The following CLOCK variants were observed in gnomAD, a reference collection of about 807,000 sequenced individuals.
The protein encoded by CLOCK is circadian locomoter output cycles protein kaput.
Under a neutral mutation model 118.4 loss-of-function variants are expected in CLOCK, and 43 were observed. The ratio of observed to expected loss-of-function variants is 0.36; its 90% CI spans 0.28 to 0.47. The LOEUF (loss-of-function observed/expected upper bound fraction) is 0.47. Among genes scored for constraint, CLOCK ranks in the 20% least tolerant of loss-of-function variants. The pLI is 1.00. For missense variants in CLOCK, 846 were observed against 999.9 expected (o/e 0.85, Z 2.08); for synonymous variants, 326 against 339.2 (o/e 0.96, Z 0.43).
At chr4:55,472,692 A>G (rs973795683) in intron 7 of CLOCK, among the ~76,000 whole-genome samples, 1 of 151,734 alleles carries the variant, frequency 6.6e-6, no homozygotes, top group Non-Finnish European at 1.5e-5. Flanking sequence ...TCCTAACTCT[A>G]TGTAATTGAC....
chr4:55,465,204 A>G (rs1577729348), intron 8 of CLOCK, among the ~76,000 whole-genome samples: 1 of 152,324 alleles, frequency 6.6e-6, no homozygotes, highest in East Asian at 1.9e-4. Context: ...ACACTATAGT[A>G]TAACACATAT....
At chr4:55,532,389 CAT>C (rs1730607886) in intron 1 of CLOCK, among the ~76,000 whole-genome samples, 1 of 152,014 alleles carries the variant, frequency 6.6e-6, no homozygotes. Context: ...ATACAGATGA[CAT>C]GATTTATATG....
intron 2 of CLOCK, among the ~76,000 whole-genome samples, chr4:55,495,339 G>A (rs1727994471): frequency 6.6e-6 from 1 of 151,598 alleles, no homozygotes; most frequent in South Asian, 2.1e-4. Flanking sequence ...GCTCCCAGCT[G>A]TAACCTCTCT....
At chr4:55,465,763 C>A (rs1725689759) in intron 8 of CLOCK, among the ~76,000 whole-genome samples, 1 of 151,986 alleles carries the variant, frequency 6.6e-6, no homozygotes, top group Admixed American at 6.6e-5. Flanking sequence ...ACCAGCCTGG[C>A]TAACATGGAG....
chr4:55,472,053 AGAGT>A (rs1726180731), intron 7 of CLOCK, among the ~76,000 whole-genome samples: 1 of 152,200 alleles, frequency 6.6e-6, no homozygotes, highest in Admixed American at 6.5e-5. Flanking sequence ...CCTGAGCAAC[AGAGT>A]GAGACCCTGT....
intron 6 of CLOCK, 44 bp downstream of exon 6, chr4:55,478,769 CTA>C: frequency 6.3e-7 from 1 of 1,581,676 alleles, no homozygotes; most frequent in African/African-American, 1.3e-5. Context: ...AAGATTCTAA[CTA>C]ATGCTTTGAG....
At position 55,429,824 on chromosome 4, in the gene CLOCK, A is replaced by C. The variant is rs1722388915; in HGVS notation, c.*5591T>G. 1 of 152,206 alleles carries C rather than the reference A, an allele frequency of 6.6e-6. No individual in the cohort carries two copies. Among genetic ancestry groups the C allele is most frequent in the Non-Finnish European group, 1.5e-5 (1 of 68,038 alleles). 9.4% of individuals were successfully genotyped at this position (152,206 alleles called of 1,614,324 possible). On this transcript the variant is annotated 3_prime_UTR_variant, in exon 23 of 23. Coordinates refer to ENST00000513440, the MANE Select transcript of CLOCK (RefSeq NM_004898.4). ...ATCAGATTTGAAAGGAGTTATTTCT[A>C]AAATTCTTTCTTAGATGACTTGAGG...
chr4:55,481,238 A>T (rs1209697149), intron 4 of CLOCK, among the ~76,000 whole-genome samples: 3 of 152,084 alleles, frequency 2.0e-5, no homozygotes, highest in African/African-American at 7.2e-5. Context: ...GTGGAGGTGC[A>T]TGTATGAACT....
In CLOCK at chr4:55,524,885, T is replaced by G. The variant is rs369023808; in HGVS notation, c.-289-14820A>C. On this transcript the variant is annotated intron_variant, in intron 1 of 22. Transcript: ENST00000513440. ...GCCTACAATGATGATATCTCCAGAC[T>G]TATAACTTCCAGAAAGATGATGTAA... Among the ~76,000 whole-genome samples, 83 of 152,232 alleles carry G rather than the reference T, an allele frequency of 5.5e-4. 2 individuals are homozygous for G. In the East Asian group the frequency reaches 0.012, roughly 21 times the overall value.
At chr4:55,521,111 T>C (rs2110061446) in intron 1 of CLOCK, among the ~76,000 whole-genome samples, 1 of 152,340 alleles carries the variant, frequency 6.6e-6, no homozygotes, top group Non-Finnish European at 1.5e-5. Context: ...ATTTTAACGT[T>C]GGTAAAATGG....
At chr4:55,486,845 A>G in intron 3 of CLOCK, among the ~76,000 whole-genome samples, 1 of 152,074 alleles carries the variant, frequency 6.6e-6, no homozygotes, top group East Asian at 1.9e-4. Flanking sequence ...TTATATCTGT[A>G]CTGGTCACTC....
chr4:55,452,894 A>C (rs1724591248), intron 15 of CLOCK, 160 bp downstream of exon 15: 1 of 559,210 alleles, frequency 1.8e-6, no homozygotes. Flanking sequence ...GTGAGACTCT[A>C]AAATATTAAA....
Position 55,475,980 on chromosome 4 carries a change from T to G in CLOCK, c.331A>C (p.Thr111Pro), listed in dbSNP as rs964947558. ...KPTFLSNEEF[T>P]QLMLEALDGF... ...GGACATACCTCTAACATTAATTGTGTAAACTCTTCATTACTAAGGAATGTA... is the reference window on the plus strand; with the variant it reads ...GGACATACCTCTAACATTAATTGTGGAAACTCTTCATTACTAAGGAATGTA... The change falls in exon 7 of 23, where the codon ACA becomes CCA. Residue 111 changes from threonine (T) to proline (P), a missense_variant. Transcript: ENST00000513440. The G allele has an allele frequency of 1.2e-6, 2 of 1,610,904 alleles. No individual in the cohort carries two copies. The highest frequency in any genetic ancestry group is 2.7e-5 in the African/African-American group (2 of 74,854).
chr4:55,536,293 T>A (rs1397785609), intron 1 of CLOCK, among the ~76,000 whole-genome samples: 2 of 152,090 alleles, frequency 1.3e-5, no homozygotes, highest in Non-Finnish European at 2.9e-5. Context: ...CAACCCAGCC[T>A]CCACATAATT....
At chr4:55,526,860 T>A (rs1577857692) in intron 1 of CLOCK, among the ~76,000 whole-genome samples, 1 of 145,384 alleles carries the variant, frequency 6.9e-6, no homozygotes, top group African/African-American at 2.6e-5. Flanking sequence ...GGCAAGAGAA[T>A]GGCATGAACC....
rs73153615 is a variant in CLOCK, at chr4:55,482,945, G to A, written c.-43-117C>T. 2,580 of 487,810 alleles carry A rather than the reference G, an allele frequency of 5.3e-3. 55 individuals are homozygous for A. Among genetic ancestry groups the A allele is most frequent in the African/African-American group, 0.047 (2,365 of 50,346 alleles). 30.2% of individuals were successfully genotyped at this position (487,810 alleles called of 1,614,324 possible). A position where few individuals can be genotyped will look rare whatever the true frequency, so the allele number is the denominator to read the frequency against. ...GACTTCAAAACGTTTTGTTTGTACT[G>A]AAGATCAGAACATTATTTTCAAGCA... On this transcript the variant is annotated intron_variant, in intron 3 of 22. Coordinates refer to ENST00000513440, the MANE Select transcript of CLOCK (RefSeq NM_004898.4).
intron 2 of CLOCK, among the ~76,000 whole-genome samples, chr4:55,501,438 G>GTACTATAATCATT (rs1297957690): frequency 6.6e-6 from 1 of 151,200 alleles, no homozygotes; most frequent in Non-Finnish European, 1.5e-5. Context: ...TTTTTTAAGA[G>GTACTATAATCATT]ACAGGATCTC....
intron 1 of CLOCK, among the ~76,000 whole-genome samples, chr4:55,512,954 C>T (rs1729259694): frequency 6.6e-6 from 1 of 152,076 alleles, no homozygotes; most frequent in Admixed American, 6.5e-5. Flanking sequence ...CTGAAAAATT[C>T]CTATTGTCTA....
At chr4:55,494,944 C>G (rs1727957656) in intron 2 of CLOCK, among the ~76,000 whole-genome samples, 1 of 152,156 alleles carries the variant, frequency 6.6e-6, no homozygotes. Context: ...TTTGTATTGT[C>G]TTAAGCCATT....
Sources: allele counts gnomAD v4.1 joint callset (sites outside exome capture counted in the v4.1 genomes callset), GRCh38; gene constraint gnomAD v4.1.1; transcripts MANE v1.5; gene names NCBI Gene and HGNC (gene_info 2026-07-23, HGNC 2026-07-21).